USHBP1: variants seen among roughly 807,000 people sequenced by gnomAD.
The protein encoded by USHBP1 is harmonin-binding protein USHBP1.
A neutral mutation model predicts 76.2 loss-of-function variants in USHBP1; 67 were observed. That is an observed-to-expected ratio of 0.88 (90% confidence interval 0.72 to 1.08). The LOEUF (loss-of-function observed/expected upper bound fraction) is 1.08. Among genes scored for constraint, USHBP1 ranks in the 50% least tolerant of loss-of-function variants. USHBP1 has a pLI of 0.00. For missense variants in USHBP1, 931 were observed against 915.0 expected (o/e 1.02, Z -0.23); for synonymous variants, 322 against 362.2 (o/e 0.89, Z 1.26).
chr19:17,255,690 G>A (rs2073611354), intron 9 of USHBP1, 84 bp from the exon 10 acceptor site: 1 of 1,394,540 alleles, frequency 7.2e-7, no homozygotes, highest in Non-Finnish European at 9.6e-7. Context: ...CACCCACTGA[G>A]GACTATTCAG....
chr19:17,255,293 A>C (rs1001177979), intron 10 of USHBP1, 92 bp downstream of exon 10: 4 of 1,344,422 alleles, frequency 3.0e-6, no homozygotes, highest in East Asian at 5.2e-5. Context: ...ACTCCGTCTC[A>C]AAAAAAACAA....
chr19:17,260,179 G>A (rs1568326880), intron 4 of USHBP1, among the ~76,000 whole-genome samples, 157 bp from the exon 5 acceptor site: 1 of 152,168 alleles, frequency 6.6e-6, no homozygotes, highest in African/African-American at 2.4e-5. Flanking sequence ...CTGACCTTGG[G>A]AATGTTTCTC....
chr19:17,249,929 C>A lies in USHBP1; in HGVS notation c.*296G>T. On this transcript the variant is annotated 3_prime_UTR_variant, in exon 13 of 13. Transcript: ENST00000252597. ...CTTCAGCTGTGGCTATGCAACCTCA[C>A]GGACCCCCGAAATGCGTCAGTCCCA... 2.6e-6 allele frequency: 1 copy of A among 383,212 alleles called. No individual in the cohort carries two copies. The highest frequency in any genetic ancestry group is 4.7e-6 in the Non-Finnish European group (1 of 210,928). 23.7% of individuals were successfully genotyped at this position (383,212 alleles called of 1,614,324 possible).
At position 17,263,987 on chromosome 19, in the gene USHBP1, C is replaced by G. The variant is rs1026412590; in HGVS notation, c.203+15G>C. 1 of 1,552,244 alleles carries G rather than the reference C, an allele frequency of 6.4e-7. No homozygotes were observed. The highest frequency in any genetic ancestry group is 1.4e-5 in the African/African-American group (1 of 73,472). On this transcript the variant is annotated intron_variant, in intron 3 of 12. Transcript: ENST00000252597. Reference sequence around the variant, plus strand: ...TCTGGACTGGAGTGAAGGGCACAGACCAAGCGGGTCTTACCTGCTTCCTAG... The same window carrying G: ...TCTGGACTGGAGTGAAGGGCACAGAGCAAGCGGGTCTTACCTGCTTCCTAG...
Position 17,258,311 on chromosome 19 carries a change from G to A in USHBP1, c.1121C>T (p.Pro374Leu). ...EADSGAGDEA[P>L]MSDLQAAEKE... is the part of the protein sequence containing the mutation. ...TTCAGCTGCTTGCAGGTCACTCATG[G>A]GGGCTTCGTCTCCTGCTCCTGAGTC... is the stretch of plus-strand genomic sequence containing the variant. The change falls in exon 8 of 13, where the codon CCC (proline) becomes CTC (leucine). Residue 374 changes from proline (P) to leucine (L), a missense_variant. Pro to Leu is a moderately conservative substitution (Grantham distance 98). Transcript: ENST00000252597. 6.2e-7 allele frequency: 1 copy of A among 1,614,042 alleles called. No homozygotes were observed. The highest frequency in any genetic ancestry group is 8.5e-7 in the Non-Finnish European group (1 of 1,180,018).
At position 17,259,282 on chromosome 19, in the gene USHBP1, C is replaced by T. The variant is rs778215408; in HGVS notation, c.1046+7G>A. 1.3e-5 allele frequency: 21 copies of T among 1,600,294 alleles called. No individual in the cohort carries two copies. The highest frequency in any genetic ancestry group is 2.2e-5 in the East Asian group (1 of 44,628). On this transcript the variant is annotated splice_region_variant and intron_variant, in intron 7 of 12. Coordinates refer to ENST00000252597, the MANE Select transcript of USHBP1 (RefSeq NM_031941.4). ...AGCTGGTGACATCACTGGCAGGGTG[C>T]ACTGACCTGTACTGCAAGGCCAGAT...
rs568015559 is a variant in USHBP1, at chr19:17,258,640, C to T, written c.1047-255G>A. 4 of 354,730 alleles carry T rather than the reference C, an allele frequency of 1.1e-5. No homozygotes were observed. In the East Asian group the frequency reaches 2.3e-4, roughly 20 times the overall value. The allele number at this position is 354,730 out of a possible 1,614,324, so 22.0% of individuals were successfully genotyped here. On this transcript the variant is annotated intron_variant, in intron 7 of 12. Coordinates refer to ENST00000252597, the MANE Select transcript of USHBP1 (RefSeq NM_031941.4). ...AGGAGAATCACTTGAACTGGGGAGG[C>T]GGAGGTTGCAGTGAGCCAAGATGGC...
At chr19:17,259,513 GT>G in intron 6 of USHBP1, 82 bp downstream of exon 6, 1 of 1,607,340 alleles carries the variant, frequency 6.2e-7, no homozygotes, top group Non-Finnish European at 8.5e-7. Flanking sequence ...CCTCCCTCCT[GT>G]TGCAGCTTCA....
At chr19:17,253,436 G>A (rs1251046975) in intron 10 of USHBP1, among the ~76,000 whole-genome samples, 4 of 148,826 alleles carry the variant, frequency 2.7e-5, no homozygotes, top group African/African-American at 7.4e-5. Flanking sequence ...TTACAGGCAC[G>A]TGCCACCATG....
At position 17,250,019 on chromosome 19, in the gene USHBP1, A is replaced by G. The variant is rs917554034; in HGVS notation, c.*206T>C. On this transcript the variant is annotated 3_prime_UTR_variant, in exon 13 of 13. Coordinates refer to ENST00000252597, the MANE Select transcript of USHBP1 (RefSeq NM_031941.4). ...CCCACTGATATGAAGTTCACATTCC[A>G]CTTGGTGCCAGGCCAAAGACACCTG... is the stretch of plus-strand genomic sequence containing the variant. 1.8e-5 allele frequency: 11 copies of G among 598,790 alleles called. No individual in the cohort carries two copies. Among genetic ancestry groups the G allele is most frequent in the Non-Finnish European group, 3.2e-5 (11 of 348,726 alleles). The allele number at this position is 598,790 out of a possible 1,614,324, so 37.1% of individuals were successfully genotyped here.
At chr19:17,254,320 C>A (rs2073591588) in intron 10 of USHBP1, among the ~76,000 whole-genome samples, 1 of 151,504 alleles carries the variant, frequency 6.6e-6, no homozygotes, top group African/African-American at 2.4e-5. Flanking sequence ...GCACTCCAGC[C>A]TGGGCTACAG....
chr19:17,253,327 C>CTGTT (rs2073577271), intron 10 of USHBP1, among the ~76,000 whole-genome samples: 7 of 111,314 alleles, frequency 6.3e-5, no homozygotes, highest in South Asian at 3.0e-4. Flanking sequence ...GGAGTCTCGT[C>CTGTT]GCCCAGGCTG....
At position 17,259,709 on chromosome 19, in the gene USHBP1, G is replaced by T; in HGVS notation, c.792C>A (p.Pro264=). 6.2e-7 allele frequency: 1 copy of T among 1,612,896 alleles called. No homozygotes were observed. Among genetic ancestry groups the T allele is most frequent in the Non-Finnish European group, 8.5e-7 (1 of 1,179,584 alleles). Residue 264 remains proline (P), a synonymous_variant, in exon 6 of 13, where the codon CCC becomes CCA. Coordinates refer to ENST00000252597, the MANE Select transcript of USHBP1 (RefSeq NM_031941.4). ...ETQDSFSLAH[P]LLRRLRSHSS... is the part of the protein sequence containing the mutation. ...AATGGCTGCGGAGGCGCCGAAGCAG[G>T]GGGTGAGCCAGGGAGAAGGAGTCCT...
In USHBP1 at chr19:17,259,311, A is replaced by G. The variant is rs1361948433; in HGVS notation, c.1024T>C (p.Leu342=). ...GACCTGTACTGCAAGGCCAGATGCA[A>G]TGCTGTGGCCTCAGCCTCCCGCTGG... ...LGQREAEATA[L]HLALQYSEHC... Residue 342 remains leucine, a synonymous_variant, in exon 7 of 13, where the codon TTG becomes CTG. Coordinates refer to ENST00000252597, the MANE Select transcript of USHBP1 (RefSeq NM_031941.4). 3.1e-6 allele frequency: 5 copies of G among 1,613,680 alleles called. No individual in the cohort carries two copies. The East Asian group carries it at 6.7e-5, about 22-fold the overall frequency.
At position 17,250,237 on chromosome 19, in the gene USHBP1, G is replaced by C. The variant is rs746279835; in HGVS notation, c.2100C>G (p.Asp700Glu). The C allele has an allele frequency of 6.2e-7, 1 of 1,609,824 alleles. No individual in the cohort carries two copies. The highest frequency in any genetic ancestry group is 8.5e-7 in the Non-Finnish European group (1 of 1,178,528). ...RPPLPPPQLG[D>E]TFL ...CTGGGTAAGGGGCCTACAGAAAGGT[G>C]TCCCCAAGCTGGGGAGGCGGGAGGG... The change falls in exon 13 of 13, where the codon GAC (aspartate) becomes GAG (glutamate). Residue 700 changes from aspartate (D) to glutamate (E), a missense_variant. Coordinates refer to ENST00000252597, the MANE Select transcript of USHBP1 (RefSeq NM_031941.4).
intron 3 of USHBP1, 32 bp downstream of exon 3, chr19:17,263,970 G>T (rs1568329182): frequency 3.0e-5 from 45 of 1,515,800 alleles, no homozygotes; most frequent in Non-Finnish European, 3.7e-5. Flanking sequence ...CGTCTGGACT[G>T]GAGTGAAGGG....
At chr19:17,252,129 C>A (rs1599465018) in intron 10 of USHBP1, 112 bp from the exon 11 acceptor site, 1 of 971,128 alleles carries the variant, frequency 1.0e-6, no homozygotes, top group East Asian at 2.6e-5. Flanking sequence ...CTCTCAGAGA[C>A]CCACATCTGG....
rs568805992 is a variant in USHBP1 at position 17,256,551 on chromosome 19, C to G, written c.1390G>C (p.Ala464Pro). The G allele has an allele frequency of 1.2e-6, 2 of 1,614,144 alleles. No homozygotes were observed. Among genetic ancestry groups the G allele is most frequent in the African/African-American group, 2.7e-5 (2 of 75,056 alleles). ...GGGCCAGCCTGGGTCCCCAGAATGG[C>G]CTGCACCATGGCTTCTGCACGGGGC... ...TVPRAEAMVQ[A>P]ILGTQAGPAL... The change falls in exon 9 of 13, where the codon GCC becomes CCC. Residue 464 changes from alanine (A) to proline (P), a missense_variant. Coordinates refer to ENST00000252597, the MANE Select transcript of USHBP1 (RefSeq NM_031941.4).
In USHBP1 at chr19:17,259,591, C is replaced by G. The variant is rs749419392; in HGVS notation, c.905+5G>C. The G allele has an allele frequency of 3.1e-6, 5 of 1,607,572 alleles. No individual in the cohort carries two copies. The Admixed American group carries it at 8.6e-5, about 28-fold the overall frequency. ...CCTTATGAGCTCAGCATTTGAGTCTCTTACCCCCGGAGTTGCTCCATCTGG... is the reference window on the plus strand; with the variant it reads ...CCTTATGAGCTCAGCATTTGAGTCTGTTACCCCCGGAGTTGCTCCATCTGG... On this transcript the variant is annotated splice_donor_5th_base_variant and intron_variant, in intron 6 of 12. Transcript: ENST00000252597.
Sources: gnomAD v4.1 joint callset for allele counts (sites outside exome capture counted in the v4.1 genomes callset) on GRCh38, gnomAD v4.1.1 for gene constraint, MANE v1.5 for transcripts, NCBI Gene and HGNC (gene_info 2026-07-23, HGNC 2026-07-21) for gene names.